BCKDHB: variants seen among roughly 807,000 people sequenced by gnomAD.
The protein encoded by BCKDHB is 2-oxoisovalerate dehydrogenase subunit beta, mitochondrial.
Under a neutral mutation model 48.5 loss-of-function variants are expected in BCKDHB, and 41 were observed. The observed-to-expected ratio is 0.85, with a 90% CI of 0.66 to 1.10. BCKDHB has a LOEUF of 1.10. Among genes scored for constraint, BCKDHB ranks in the 50% least tolerant of loss-of-function variants. The pLI is 0.00. For synonymous variants in BCKDHB, 201 were observed against 174.8 expected, an observed-to-expected ratio of 1.15 and a Z score of -1.18; for missense variants, 496 against 494.2, an observed-to-expected ratio of 1.00 and a Z score of -0.03.
At chr6:80,240,170 A>T (rs894282689) in intron 8 of BCKDHB, among the ~76,000 whole-genome samples, 2 of 152,112 alleles carry the variant, frequency 1.3e-5, no homozygotes, top group African/African-American at 4.8e-5. Context: ...TGGGGATGGC[A>T]TTGAATCATG....
chr6:80,318,147 G>A (rs1368389437), intron 9 of BCKDHB, among the ~76,000 whole-genome samples: 1 of 152,152 alleles, frequency 6.6e-6, no homozygotes, highest in African/African-American at 2.4e-5. Context: ...CCTCTATAAA[G>A]AGAAGTTTGG....
At chr6:80,447,449 T>TTA in the BCKDHB span, among the ~76,000 whole-genome samples, 97 of 147,968 alleles carry the variant, frequency 6.6e-4, no homozygotes, top group South Asian at 4.8e-3. Flanking sequence ...ATATATACAG[T>TTA]TATATATATA....
the BCKDHB span, among the ~76,000 whole-genome samples, chr6:80,382,553 A>G: frequency 6.6e-6 from 1 of 152,210 alleles, no homozygotes; most frequent in Admixed American, 6.5e-5. Context: ...GCTTCAGTTC[A>G]GCATTCAACC....
Position 80,229,724 on chromosome 6 carries a change from GAGA to G in BCKDHB, c.951+26518_951+26520del, listed in dbSNP as rs149674216. ...AATTTAGAATCAATGAAATAATTGA[GAGA>G]AGAAGCTTGAAATACAATGACTGTT... On this transcript the variant is annotated intron_variant, in intron 8 of 9. Transcript: ENST00000320393. 5.3e-3 allele frequency among the ~76,000 whole-genome samples: 800 copies of G among 152,156 alleles called. 2 individuals are homozygous for G. Among genetic ancestry groups the G allele is most frequent in the African/African-American group, 0.018 (746 of 41,520 alleles).
At chr6:80,185,382 GAGTACCTTAATAATCAACCTT>G (rs896237549) in intron 6 of BCKDHB, among the ~76,000 whole-genome samples, 4 of 151,550 alleles carry the variant, frequency 2.6e-5, no homozygotes, top group African/African-American at 9.7e-5. Flanking sequence ...GTACCTCCTT[GAGTACCTTAATAATCAACCTT>G]CTGAATTCCT....
chr6:80,288,494 G>A (rs1048990595), intron 9 of BCKDHB, among the ~76,000 whole-genome samples: 8 of 152,094 alleles, frequency 5.3e-5, no homozygotes, highest in African/African-American at 1.9e-4. Flanking sequence ...GCAAGATCAG[G>A]ATCTCATAGA....
At chr6:80,120,037 G>C (rs1263451631) in intron 1 of BCKDHB, among the ~76,000 whole-genome samples, 1 of 151,948 alleles carries the variant, frequency 6.6e-6, no homozygotes, top group Admixed American at 6.6e-5. Flanking sequence ...ACAGGCCCTG[G>C]TGTGTGATGT....
chr6:80,180,862 ACACT>A (rs1198030100), intron 6 of BCKDHB, among the ~76,000 whole-genome samples: 1 of 152,246 alleles, frequency 6.6e-6, no homozygotes, highest in African/African-American at 2.4e-5. Context: ...AATGCTAGGT[ACACT>A]CACAAGAGTA....
the BCKDHB span, among the ~76,000 whole-genome samples, chr6:80,463,943 G>T: frequency 1.3e-5 from 2 of 151,922 alleles, no homozygotes; most frequent in African/African-American, 4.8e-5. Context: ...ATTCCCTTGG[G>T]CTCATTCCTC....
At chr6:80,305,567 A>G (rs1235334351) in intron 9 of BCKDHB, among the ~76,000 whole-genome samples, 2 of 152,054 alleles carry the variant, frequency 1.3e-5, no homozygotes, top group South Asian at 4.1e-4. Context: ...TTTTCTTGAA[A>G]TGTGACAAAT....
chr6:80,329,304 C>T (rs117684356), intron 9 of BCKDHB, among the ~76,000 whole-genome samples: 248 of 152,210 alleles, frequency 1.6e-3, no homozygotes, highest in Non-Finnish European at 2.7e-3. Flanking sequence ...ATAGGATCTG[C>T]TCATATTGAT....
the BCKDHB span, among the ~76,000 whole-genome samples, chr6:80,377,033 G>T: frequency 1.6e-5 from 2 of 126,182 alleles, no homozygotes; most frequent in Admixed American, 2.1e-4. Flanking sequence ...AATTATAAAG[G>T]CTTTTAATTT....
At chr6:80,132,273 G>A (rs1770669303) in intron 3 of BCKDHB, among the ~76,000 whole-genome samples, 1 of 152,010 alleles carries the variant, frequency 6.6e-6, no homozygotes, top group Admixed American at 6.6e-5. Flanking sequence ...TATTCACGCT[G>A]CACCTTTTAA....
intron 3 of BCKDHB, among the ~76,000 whole-genome samples, chr6:80,158,094 C>CT (rs1467439862): frequency 3.9e-5 from 6 of 152,154 alleles, no homozygotes; most frequent in Non-Finnish European, 5.9e-5. Flanking sequence ...ATGAGACAGT[C>CT]TGTGTTCTTA....
At position 80,230,026 on chromosome 6, in the gene BCKDHB, G is replaced by GTTTTTTTTTTTTTTT. The variant is rs551632775; in HGVS notation, c.951+26830_951+26844dup. 6.6e-5 allele frequency among the ~76,000 whole-genome samples: 4 copies of GTTTTTTTTTTTTTTT among 60,660 alleles called. 1 individual carries two copies. The highest frequency in any genetic ancestry group is 2.8e-4 in the African/African-American group (4 of 14,482). 39.8% of individuals were successfully genotyped at this position (60,660 alleles called of 152,430 possible). On this transcript the variant is annotated intron_variant, in intron 8 of 9. Coordinates refer to ENST00000320393, the MANE Select transcript of BCKDHB (RefSeq NM_183050.4). The stretch of plus-strand genomic sequence containing the variant: ...TGAATTCCAAAGGGGTTTTTAGGTT[G>GTTTTTTTTTTTTTTT]TTTTTTTTTTTTTTTTTTTTTTTTT...
At chr6:80,224,156 A>C (rs1411506665) in intron 8 of BCKDHB, among the ~76,000 whole-genome samples, 3 of 152,092 alleles carry the variant, frequency 2.0e-5, no homozygotes, top group Non-Finnish European at 4.4e-5. Context: ...AGGGTAACTC[A>C]TATTTCCACT....
chr6:80,462,372 A>C, the BCKDHB span, among the ~76,000 whole-genome samples: 13 of 152,194 alleles, frequency 8.5e-5, no homozygotes, highest in East Asian at 2.5e-3. Context: ...TTTAGAATTA[A>C]CTAATTAATT....
At chr6:80,414,279 G>T in the BCKDHB span, among the ~76,000 whole-genome samples, 1 of 152,052 alleles carries the variant, frequency 6.6e-6, no homozygotes, top group Non-Finnish European at 1.5e-5. Context: ...TTCCTTTGCT[G>T]TGCAGAAGCT....
chr6:80,317,917 G>A (rs1006135073), intron 9 of BCKDHB, among the ~76,000 whole-genome samples: 2 of 152,136 alleles, frequency 1.3e-5, no homozygotes, highest in African/African-American at 2.4e-5. Flanking sequence ...GATTTTGGCT[G>A]TCTCTCCCTC....
Sources: allele counts gnomAD v4.1 joint callset (sites outside exome capture counted in the v4.1 genomes callset), GRCh38; gene constraint gnomAD v4.1.1; transcripts MANE v1.5; gene names NCBI Gene and HGNC (gene_info 2026-07-23, HGNC 2026-07-21).